Variants in CACNA1A observed in about 807,000 individuals in gnomAD.
CACNA1A encodes the protein calcium voltage-gated channel subunit alpha1 A.
CACNA1A carries 57 observed loss-of-function variants against 262.4 expected under a neutral mutation model. The observed-to-expected ratio is 0.22, with a 90% CI of 0.18 to 0.27. The LOEUF is 0.27. Among genes scored for constraint, CACNA1A ranks in the 10% least tolerant of loss-of-function variants. CACNA1A has a pLI of 1.00. For synonymous variants in CACNA1A, 1,431 were observed against 1,419.3 expected, an observed-to-expected ratio of 1.01 and a Z score of -0.18; for missense variants, 2,526 against 3,562.8, an observed-to-expected ratio of 0.71 and a Z score of 7.41.
At chr19:13,334,142 A>C in intron 8 of CACNA1A, 1 of 501,220 alleles carries the variant, frequency 2.0e-6, no homozygotes, top group Non-Finnish European at 3.6e-6. Flanking sequence ...GCCGGGATGT[A>C]AACCAGCGTC....
intron 8 of CACNA1A, 30 bp downstream of exon 8, chr19:13,334,348 T>A (rs764760507): frequency 5.2e-6 from 6 of 1,162,982 alleles, no homozygotes; most frequent in Admixed American, 1.7e-5. Flanking sequence ...GGGATCTCCA[T>A]CCCTGGGCCC....
intron 1 of CACNA1A, among the ~76,000 whole-genome samples, chr19:13,459,298 G>T (rs1255452234): frequency 1.3e-5 from 2 of 152,166 alleles, no homozygotes; most frequent in African/African-American, 4.8e-5. Context: ...AGGCCGGAGG[G>T]AGAGTGGAAC....
intron 3 of CACNA1A, among the ~76,000 whole-genome samples, chr19:13,376,755 TTA>T (rs1235645806): frequency 1.4e-4 from 21 of 147,070 alleles, no homozygotes; most frequent in Non-Finnish European, 2.4e-4. Flanking sequence ...ACACAATATG[TTA>T]TATGTGACAT....
chr19:13,252,787 G>GT (rs1339623216), intron 30 of CACNA1A: 3 of 428,916 alleles, frequency 7.0e-6, no homozygotes, highest in African/African-American at 6.0e-5. Context: ...CAGCCATATG[G>GT]TAACACTCAC....
Position 13,309,144 on chromosome 19 carries a change from G to A in CACNA1A, c.1669-616C>T, listed in dbSNP as rs899979932. Among the ~76,000 whole-genome samples the A allele has an allele frequency of 9.9e-5, 15 of 152,218 alleles. No homozygotes were observed. In the East Asian group the frequency reaches 2.3e-3, roughly 24 times the overall value. On this transcript the variant is annotated intron_variant, in intron 12 of 46. Coordinates refer to ENST00000360228, the MANE Select transcript of CACNA1A (RefSeq NM_001127222.2). ...CTGCCTCAGCCTCCCAAGTAACTGGGATTACAGGCACCCGCCACCACGCCC... is the reference window on the plus strand; with the variant it reads ...CTGCCTCAGCCTCCCAAGTAACTGGAATTACAGGCACCCGCCACCACGCCC...
At chr19:13,323,780 C>T (rs1396243706) in intron 10 of CACNA1A, among the ~76,000 whole-genome samples, 1 of 152,160 alleles carries the variant, frequency 6.6e-6, no homozygotes, top group East Asian at 1.9e-4. Flanking sequence ...TTGATACGAT[C>T]CCATTTGTCC....
chr19:13,502,365 A>G (rs1982489947), intron 1 of CACNA1A, among the ~76,000 whole-genome samples: 1 of 152,144 alleles, frequency 6.6e-6, no homozygotes, highest in Non-Finnish European at 1.5e-5. Flanking sequence ...CGATGGCCTG[A>G]GTTTCTACAT....
At chr19:13,277,285 C>T (rs1157600225) in intron 22 of CACNA1A, 157 bp from the exon 23 acceptor site, 2 of 570,028 alleles carry the variant, frequency 3.5e-6, no homozygotes, top group Admixed American at 3.0e-5. Context: ...TGCACAAGGG[C>T]CCCTCCCATC....
At chr19:13,247,831 C>T (rs1198015089) in intron 30 of CACNA1A, among the ~76,000 whole-genome samples, 2 of 152,156 alleles carry the variant, frequency 1.3e-5, no homozygotes, top group African/African-American at 4.8e-5. Flanking sequence ...ACCTGAGGTA[C>T]ACTACTTTGC....
intron 1 of CACNA1A, among the ~76,000 whole-genome samples, chr19:13,499,184 A>T (rs5021328): frequency 5.3e-5 from 8 of 151,714 alleles, no homozygotes; most frequent in Admixed American, 2.6e-4. Flanking sequence ...AGAGACAGGG[A>T]GTGCAAAAGG....
intron 29 of CACNA1A, 143 bp downstream of exon 29, chr19:13,254,952 A>G: frequency 1.3e-6 from 1 of 769,710 alleles, no homozygotes. Flanking sequence ...TGTGTCAGGT[A>G]GAGGGAACAG....
At chr19:13,213,386 C>T (rs1403298652) in intron 40 of CACNA1A, among the ~76,000 whole-genome samples, 6 of 152,134 alleles carry the variant, frequency 3.9e-5, no homozygotes, top group Admixed American at 1.3e-4. Context: ...CATTTCCCAC[C>T]GCATCCCCTC....
chr19:13,431,575 T>C (rs1404651234), intron 3 of CACNA1A, among the ~76,000 whole-genome samples: 2 of 152,016 alleles, frequency 1.3e-5, no homozygotes, highest in African/African-American at 4.8e-5. Flanking sequence ...TGCACACCCA[T>C]GTTCATGACA....
chr19:13,332,999 C>A, intron 8 of CACNA1A, 74 bp from the exon 9 acceptor site: 4 of 1,179,478 alleles, frequency 3.4e-6, no homozygotes, highest in Non-Finnish European at 5.0e-6. Flanking sequence ...GAAGAAGGGT[C>A]TGCCCGGCCA....
chr19:13,227,416 G>T lies in CACNA1A; in HGVS notation c.5625+15C>A. On this transcript the variant is annotated intron_variant, in intron 37 of 46. Coordinates refer to ENST00000360228, the MANE Select transcript of CACNA1A (RefSeq NM_001127222.2). ...CCCAGTGCCTGGACGTCGGTGGTCG[G>T]CAAGGGTAGTCTACCTTGTAAGCCA... The T allele has an allele frequency of 6.7e-7, 1 of 1,482,864 alleles. No individual in the cohort carries two copies. Among genetic ancestry groups the T allele is most frequent in the Non-Finnish European group, 9.2e-7 (1 of 1,085,600 alleles). 91.9% of individuals were successfully genotyped at this position (1,482,864 alleles called of 1,614,324 possible). A position where few individuals can be genotyped will look rare whatever the true frequency, so the allele number is the denominator to read the frequency against.
chr19:13,239,038 A>C (rs959145951), intron 31 of CACNA1A, among the ~76,000 whole-genome samples: 1 of 152,062 alleles, frequency 6.6e-6, no homozygotes. Flanking sequence ...GCCCACCTCC[A>C]GCCCAGCCTC....
intron 25 of CACNA1A, 167 bp downstream of exon 25, chr19:13,262,567 T>G (rs1301697187): frequency 3.3e-6 from 2 of 608,548 alleles, no homozygotes; most frequent in Non-Finnish European, 6.0e-6. Flanking sequence ...CTCACTTTAC[T>G]GCCATCTGCT....
intron 2 of CACNA1A, among the ~76,000 whole-genome samples, chr19:13,454,600 G>C (rs1323360845): frequency 6.6e-6 from 1 of 152,056 alleles, no homozygotes; most frequent in East Asian, 1.9e-4. Context: ...TCGAACTCTT[G>C]ACCTCAAGTG....
At chr19:13,491,077 C>T (rs977356783) in intron 1 of CACNA1A, among the ~76,000 whole-genome samples, 5 of 152,188 alleles carry the variant, frequency 3.3e-5, no homozygotes, top group African/African-American at 4.8e-5. Flanking sequence ...ACCATCGTCC[C>T]GCGACATCTC....
Sources: allele counts gnomAD v4.1 joint callset (sites outside exome capture counted in the v4.1 genomes callset), GRCh38; gene constraint gnomAD v4.1.1; transcripts MANE v1.5; gene names NCBI Gene and HGNC (gene_info 2026-07-23, HGNC 2026-07-21).